GNAQ: variants seen among roughly 807,000 people sequenced by gnomAD.
The protein encoded by GNAQ is G protein subunit alpha q, also known as guanine nucleotide-binding protein G(q) subunit alpha.
Under a neutral mutation model 43.9 loss-of-function variants are expected in GNAQ, and 8 were observed. That is an observed-to-expected ratio of 0.18 (90% CI 0.11 to 0.33). The LOEUF (loss-of-function observed/expected upper bound fraction) is 0.33. GNAQ is among the 10% of genes least tolerant of loss of function. GNAQ has a pLI of 1.00. For synonymous variants in GNAQ, 155 were observed against 170.7 expected, an observed-to-expected ratio of 0.91 and a Z score of 0.71; for missense variants, 158 against 450.8, an observed-to-expected ratio of 0.35 and a Z score of 5.88.
intron 2 of GNAQ, among the ~76,000 whole-genome samples, chr9:77,842,493 C>T (rs1207809710): frequency 6.6e-6 from 1 of 152,136 alleles, no homozygotes; most frequent in Non-Finnish European, 1.5e-5. Context: ...GAATGAAAAA[C>T]AACATTGTTT....
intron 2 of GNAQ, among the ~76,000 whole-genome samples, chr9:77,871,138 T>G (rs1176283184): frequency 6.6e-6 from 1 of 152,254 alleles, no homozygotes; most frequent in African/African-American, 2.4e-5. Flanking sequence ...TTTAACATTT[T>G]TAAAGGTTAG....
intron 5 of GNAQ, among the ~76,000 whole-genome samples, chr9:77,787,358 TGAC>T (rs1333336506): frequency 2.6e-5 from 4 of 152,244 alleles, no homozygotes; most frequent in Non-Finnish European, 4.4e-5. Context: ...TTCTGTTTCT[TGAC>T]AGGGGTGTTA....
intron 2 of GNAQ, among the ~76,000 whole-genome samples, chr9:77,852,175 G>T (rs766904331): frequency 6.6e-6 from 1 of 152,198 alleles, no homozygotes; most frequent in Non-Finnish European, 1.5e-5. Flanking sequence ...GGTTAGGCAA[G>T]GCTCATGTTT....
chr9:77,848,759 C>T (rs1827625143), intron 2 of GNAQ, among the ~76,000 whole-genome samples: 2 of 152,218 alleles, frequency 1.3e-5, no homozygotes, highest in African/African-American at 4.8e-5. Context: ...CTGTGCATGG[C>T]TTCTGGCTTC....
intron 1 of GNAQ, among the ~76,000 whole-genome samples, chr9:77,978,970 C>T (rs1242674546): frequency 6.6e-6 from 1 of 152,126 alleles, no homozygotes; most frequent in East Asian, 1.9e-4. Context: ...TCACGAGAAT[C>T]GCTTGAAACT....
rs371203973 is a variant in GNAQ at position 77,724,941 on chromosome 9, A to G, written c.890-3428T>C. Among the ~76,000 whole-genome samples, 6 of 152,296 alleles carry G rather than the reference A, an allele frequency of 3.9e-5. No individual in the cohort carries two copies. The South Asian group carries it at 1.2e-3, about 32-fold the overall frequency. Reference sequence around the variant, plus strand: ...TATTAACTCCAGAGAAGTAATAAAAACTATTCAAAACCAGAAAGTAACAGA... The same window carrying G: ...TATTAACTCCAGAGAAGTAATAAAAGCTATTCAAAACCAGAAAGTAACAGA... On this transcript the variant is annotated intron_variant, in intron 6 of 6. Coordinates refer to ENST00000286548, the MANE Select transcript of GNAQ (RefSeq NM_002072.5).
At chr9:77,973,012 AG>A (rs1327700540) in intron 1 of GNAQ, among the ~76,000 whole-genome samples, 16 of 136,158 alleles carry the variant, frequency 1.2e-4, no homozygotes, top group South Asian at 2.7e-4. Flanking sequence ...TAAAAAAGAA[AG>A]GAAAAAAAAA....
At chr9:77,957,730 T>C (rs961127671) in intron 1 of GNAQ, among the ~76,000 whole-genome samples, 3 of 152,064 alleles carry the variant, frequency 2.0e-5, no homozygotes, top group African/African-American at 7.2e-5. Flanking sequence ...GCCACTAGCA[T>C]CATAGGATGA....
intron 2 of GNAQ, among the ~76,000 whole-genome samples, chr9:77,887,691 T>C (rs907842746): frequency 6.6e-6 from 1 of 152,230 alleles, no homozygotes; most frequent in Non-Finnish European, 1.5e-5. Context: ...GTTCCTATTA[T>C]TGTTCTACCA....
chr9:77,732,935 C>T (rs1825519116), intron 5 of GNAQ, among the ~76,000 whole-genome samples: 1 of 152,114 alleles, frequency 6.6e-6, no homozygotes, highest in African/African-American at 2.4e-5. Flanking sequence ...CCAAAGAGGC[C>T]ACAAAGGCTG....
intron 1 of GNAQ, among the ~76,000 whole-genome samples, chr9:77,946,708 ATT>A (rs1465272656): frequency 6.6e-6 from 1 of 152,226 alleles, no homozygotes; most frequent in Non-Finnish European, 1.5e-5. Context: ...ATAACAGTGT[ATT>A]TCTGATGCCT....
intron 1 of GNAQ, among the ~76,000 whole-genome samples, chr9:77,950,628 A>G (rs961714494): frequency 9.8e-5 from 15 of 152,360 alleles, no homozygotes; most frequent in African/African-American, 3.1e-4. Context: ...AGGAAGCTTC[A>G]CTTCTCATTT....
At chr9:77,784,972 T>A (rs1330259759) in intron 5 of GNAQ, among the ~76,000 whole-genome samples, 1 of 152,218 alleles carries the variant, frequency 6.6e-6, no homozygotes. Flanking sequence ...ATAGAACACA[T>A]ACACACTGTT....
At chr9:77,923,644 C>CA (rs1829028868) in intron 1 of GNAQ, among the ~76,000 whole-genome samples, 1 of 151,932 alleles carries the variant, frequency 6.6e-6, no homozygotes, top group East Asian at 1.9e-4. Context: ...TACCTTACCC[C>CA]AAAAATGTGA....
intron 5 of GNAQ, among the ~76,000 whole-genome samples, chr9:77,760,378 C>T (rs994190162): frequency 4.7e-4 from 72 of 152,132 alleles, no homozygotes; most frequent in African/African-American, 1.4e-3. Context: ...GACTGGTTTT[C>T]GTATTTTTTT....
At chr9:77,786,575 T>A (rs1379443047) in intron 5 of GNAQ, among the ~76,000 whole-genome samples, 1 of 152,050 alleles carries the variant, frequency 6.6e-6, no homozygotes, top group Non-Finnish European at 1.5e-5. Flanking sequence ...CAGTGAAGCA[T>A]CTTTGCATTG....
chr9:77,837,478 C>T (rs964386345), intron 2 of GNAQ, among the ~76,000 whole-genome samples: 1 of 151,958 alleles, frequency 6.6e-6, no homozygotes, highest in African/African-American at 2.4e-5. Flanking sequence ...CGCCCGAATC[C>T]GGGAGGTGGA....
intron 3 of GNAQ, 118 bp from the exon 4 acceptor site, chr9:77,797,766 T>A: frequency 1.2e-6 from 1 of 848,286 alleles, no homozygotes; most frequent in South Asian, 1.7e-5. Flanking sequence ...AAGAAAAATA[T>A]CAGAAAGTGG....
chr9:77,955,787 AC>A (rs1823033800), intron 1 of GNAQ, among the ~76,000 whole-genome samples: 1 of 152,210 alleles, frequency 6.6e-6, no homozygotes, highest in Admixed American at 6.5e-5. Context: ...GATTTACAGG[AC>A]TTCAAGTGCT....
Sources: allele counts gnomAD v4.1 joint callset (sites outside exome capture counted in the v4.1 genomes callset), GRCh38; gene constraint gnomAD v4.1.1; transcripts MANE v1.5; gene names NCBI Gene and HGNC (gene_info 2026-07-23, HGNC 2026-07-21).